Variants in RASGRF1 observed in about 807,000 individuals in gnomAD.
RASGRF1 encodes Ras protein specific guanine nucleotide releasing factor 1, also known as ras-specific guanine nucleotide-releasing factor 1.
A neutral mutation model predicts 138.7 loss-of-function variants in RASGRF1; 40 were observed. The ratio of observed to expected loss-of-function variants is 0.29; its 90% CI spans 0.22 to 0.38. The LOEUF is 0.38. RASGRF1 is among the 10% of genes least tolerant of loss of function. The pLI, the probability that RASGRF1 is intolerant of heterozygous loss-of-function variation, is 1.00. For missense variants in RASGRF1, 1,108 were observed against 1,650.4 expected (o/e 0.67, Z 5.69); for synonymous variants, 614 against 663.2 (o/e 0.93, Z 1.14).
At chr15:79,018,914 T>C (rs1291218218) in intron 11 of RASGRF1, among the ~76,000 whole-genome samples, 1 of 152,150 alleles carries the variant, frequency 6.6e-6, no homozygotes, top group Non-Finnish European at 1.5e-5. Flanking sequence ...GTGGCCAAGA[T>C]GAAAGAAGGC....
At chr15:79,058,743 A>G (rs1342551206) in intron 2 of RASGRF1, among the ~76,000 whole-genome samples, 2 of 152,194 alleles carry the variant, frequency 1.3e-5, no homozygotes, top group Non-Finnish European at 2.9e-5. Context: ...GTTCCCACCC[A>G]CTTTTAAAGA....
chr15:79,067,239 C>T (rs1000971330), intron 1 of RASGRF1, among the ~76,000 whole-genome samples: 1 of 152,110 alleles, frequency 6.6e-6, no homozygotes, highest in Non-Finnish European at 1.5e-5. Flanking sequence ...GTATCCAGAG[C>T]CACTTCAGGC....
intron 2 of RASGRF1, among the ~76,000 whole-genome samples, chr15:79,061,808 G>A (rs568854124): frequency 2.0e-5 from 3 of 152,298 alleles, no homozygotes; most frequent in Non-Finnish European, 4.4e-5. Flanking sequence ...TTTGCCTGTT[G>A]ATGGACACGC....
intron 12 of RASGRF1, among the ~76,000 whole-genome samples, chr15:79,015,930 G>T (rs967410573): frequency 1.3e-5 from 2 of 152,246 alleles, no homozygotes; most frequent in African/African-American, 4.8e-5. Context: ...CATATGAAGA[G>T]TCCATGGGTG....
intron 8 of RASGRF1, among the ~76,000 whole-genome samples, chr15:79,028,537 C>T (rs561588694): frequency 1.3e-5 from 2 of 152,232 alleles, no homozygotes; most frequent in East Asian, 3.9e-4. Flanking sequence ...TACCCCTCCT[C>T]TCCAAGAGAT....
intron 1 of RASGRF1, among the ~76,000 whole-genome samples, chr15:79,086,900 C>T (rs1237948324): frequency 6.6e-6 from 1 of 152,218 alleles, no homozygotes; most frequent in East Asian, 1.9e-4. Context: ...TCTAAGTCAA[C>T]AGCACTTGGG....
At chr15:79,040,033 T>G (rs2057276131) in intron 5 of RASGRF1, among the ~76,000 whole-genome samples, 1 of 152,194 alleles carries the variant, frequency 6.6e-6, no homozygotes, top group African/African-American at 2.4e-5. Context: ...AGTGCAGGGA[T>G]TAGAGGCATG....
At chr15:79,054,390 A>C (rs1044830789) in intron 3 of RASGRF1, among the ~76,000 whole-genome samples, 1 of 152,212 alleles carries the variant, frequency 6.6e-6, no homozygotes, top group Non-Finnish European at 1.5e-5. Flanking sequence ...TGTTACATAC[A>C]ACAGCCTGTG....
At chr15:79,042,618 A>G (rs2057311092) in intron 5 of RASGRF1, among the ~76,000 whole-genome samples, 1 of 152,226 alleles carries the variant, frequency 6.6e-6, no homozygotes, top group Admixed American at 6.5e-5. Context: ...AGCAGGGGGA[A>G]GCTGGGGCCT....
At chr15:79,013,841 G>C (rs530042663) in intron 13 of RASGRF1, among the ~76,000 whole-genome samples, 1 of 152,132 alleles carries the variant, frequency 6.6e-6, no homozygotes, top group Non-Finnish European at 1.5e-5. Flanking sequence ...ATTGTCTCTG[G>C]GGATTGTTCA....
chr15:79,090,192 C>T, intron 1 of RASGRF1, 31 bp downstream of exon 1: 3 of 1,564,052 alleles, frequency 1.9e-6, no homozygotes, highest in Non-Finnish European at 2.6e-6. Context: ...GGCCGGGACG[C>T]AGGGAGGTCA....
At chr15:79,045,859 G>A (rs1189574688) in intron 5 of RASGRF1, among the ~76,000 whole-genome samples, 1 of 152,248 alleles carries the variant, frequency 6.6e-6, no homozygotes, top group Non-Finnish European at 1.5e-5. Context: ...GGCTGGTTGA[G>A]ATTAGTGAAA....
intron 1 of RASGRF1, among the ~76,000 whole-genome samples, chr15:79,077,022 G>A (rs1367547568): frequency 6.6e-6 from 1 of 152,222 alleles, no homozygotes; most frequent in Non-Finnish European, 1.5e-5. Context: ...GCTGGAAGGG[G>A]TTGGGGGGAC....
intron 4 of RASGRF1, among the ~76,000 whole-genome samples, chr15:79,049,138 G>A (rs1330356326): frequency 1.3e-5 from 2 of 152,168 alleles, no homozygotes; most frequent in East Asian, 1.9e-4. Flanking sequence ...GAGTGGCAGT[G>A]GAGAGGTGGC....
At position 79,090,306 on chromosome 15, in the gene RASGRF1, G is replaced by A; in HGVS notation, c.193C>T (p.Leu65Phe). 1 of 1,613,672 alleles carries A rather than the reference G, an allele frequency of 6.2e-7. No homozygotes were observed. Among genetic ancestry groups the A allele is most frequent in the Non-Finnish European group, 8.5e-7 (1 of 1,179,946 alleles). The change falls in exon 1 of 27, where the codon CTT becomes TTT. Residue 65 changes from leucine (L) to phenylalanine (F), a missense_variant. Around this residue, in one of 3 missense-constraint regions of RASGRF1, gnomAD observed 253 missense variants for 329.5 expected, o/e 0.77. Transcript: ENST00000558480. ...CAGACGCAGCCCTCCAGCAGGTAAAGCCCCGAGGGCCGCGAGCTCGAGTCG... is the reference window on the plus strand; with the variant it reads ...CAGACGCAGCCCTCCAGCAGGTAAAACCCCGAGGGCCGCGAGCTCGAGTCG... ...ESDSSSRPSGLYLLEGCVCDR... is the reference protein window; with the variant it reads ...ESDSSSRPSGFYLLEGCVCDR...
chr15:79,001,645 G>T lies in RASGRF1; in HGVS notation c.2575+17C>A. Reference sequence around the variant, plus strand: ...AAACTGGAAATCTATTTGTGGTTTTGAATTGGTGCATTGTACCTGAAGAAT... The same window carrying T: ...AAACTGGAAATCTATTTGTGGTTTTTAATTGGTGCATTGTACCTGAAGAAT... On this transcript the variant is annotated intron_variant, in intron 16 of 26. Coordinates refer to ENST00000558480, the MANE Select transcript of RASGRF1 (RefSeq NM_001145648.3). 1 of 1,612,538 alleles carries T rather than the reference G, an allele frequency of 6.2e-7. No homozygotes were observed. Among genetic ancestry groups the T allele is most frequent in the South Asian group, 1.1e-5 (1 of 90,812 alleles).
In RASGRF1 at chr15:79,090,500, G is replaced by C. The variant is rs2058041376; in HGVS notation, c.-2C>G. The stretch of plus-strand genomic sequence containing the variant: ...ATTCAGCCGGATCCCCTTCTGCATG[G>C]TGCTCAGAGGCCAGCGAGACCCCAC... On this transcript the variant is annotated 5_prime_UTR_variant, in exon 1 of 27. Coordinates refer to ENST00000558480, the MANE Select transcript of RASGRF1 (RefSeq NM_001145648.3). The C allele has an allele frequency of 6.2e-7, 1 of 1,610,040 alleles. No homozygotes were observed.
chr15:78,978,579 G>T, intron 24 of RASGRF1: 1 of 987,978 alleles, frequency 1.0e-6, no homozygotes, highest in Non-Finnish European at 1.2e-6. Context: ...CGTATGAATG[G>T]GCTGCAGACC....
chr15:79,025,657 G>A (rs889287220), intron 9 of RASGRF1, among the ~76,000 whole-genome samples, 183 bp from the exon 10 acceptor site: 1 of 152,210 alleles, frequency 6.6e-6, no homozygotes, highest in Non-Finnish European at 1.5e-5. Flanking sequence ...GCTGAGGGAT[G>A]AGAGGTGATC....
Sources: allele counts gnomAD v4.1 joint callset (sites outside exome capture counted in the v4.1 genomes callset), GRCh38; gene constraint gnomAD v4.1.1; regional missense constraint gnomAD v4.1.1; transcripts MANE v1.5; gene names NCBI Gene and HGNC (gene_info 2026-07-23, HGNC 2026-07-21).